The following ITGAE variants were observed in gnomAD, a reference collection of about 807,000 sequenced individuals.
ITGAE encodes the protein integrin alpha-E.
Under a neutral mutation model 136.5 loss-of-function variants are expected in ITGAE, and 99 were observed. That is an observed-to-expected ratio of 0.73 (90% confidence interval 0.62 to 0.86). The LOEUF (loss-of-function observed/expected upper bound fraction) is 0.86. ITGAE is among the 40% of genes least tolerant of loss of function. The probability of loss-of-function intolerance (pLI) is 0.00; values close to 1 mark genes in which losing one functional copy is unlikely to be tolerated. For missense variants in ITGAE, 1,447 were observed against 1,515.3 expected (o/e 0.95, Z 0.75); for synonymous variants, 613 against 591.8 (o/e 1.04, Z -0.52).
chr17:3,774,585 G>A (rs1479854427), intron 2 of ITGAE, among the ~76,000 whole-genome samples: 3 of 152,044 alleles, frequency 2.0e-5, no homozygotes, highest in Non-Finnish European at 2.9e-5. Context: ...CCAACGTGGC[G>A]AAACCCTGTT....
At chr17:3,789,604 G>A (rs940038292) in intron 1 of ITGAE, among the ~76,000 whole-genome samples, 5 of 151,832 alleles carry the variant, frequency 3.3e-5, no homozygotes, top group Admixed American at 6.6e-5. Flanking sequence ...AGGTTCAAGC[G>A]ATTCTCCTGC....
At chr17:3,723,981 T>C in intron 26 of ITGAE, 2 of 1,592,372 alleles carry the variant, frequency 1.3e-6, no homozygotes, top group Non-Finnish European at 1.7e-6. Context: ...TTTCCGCACA[T>C]ATGGGGCTGC....
At chr17:3,786,098 C>T (rs528656777) in intron 1 of ITGAE, among the ~76,000 whole-genome samples, 6 of 144,160 alleles carry the variant, frequency 4.2e-5, no homozygotes, top group Admixed American at 1.5e-4. Context: ...ACCCGGGAGG[C>T]GGAGCTTGCA....
chr17:3,785,499 GAA>G (rs1491026102), intron 1 of ITGAE, among the ~76,000 whole-genome samples: 6 of 50,730 alleles, frequency 1.2e-4, no homozygotes, highest in African/African-American at 7.0e-4. Flanking sequence ...AAGGAAGGAG[GAA>G]GGAAGGAAGG....
chr17:3,732,606 C>G, intron 21 of ITGAE, 140 bp from the exon 22 acceptor site: 2 of 684,242 alleles, frequency 2.9e-6, no homozygotes, highest in South Asian at 3.5e-5. Context: ...GAAATAAAGT[C>G]CACTTGGTCC....
rs549736929 is a variant in ITGAE at position 3,734,902 on chromosome 17, T to G, written c.2570A>C (p.Asn857Thr). The change falls in exon 21 of 31, where the codon AAC (asparagine) becomes ACC (threonine). Residue 857 changes from asparagine (N) to threonine (T), a missense_variant. Physicochemically the swap from Asn to Thr is moderately conservative, Grantham distance 65. Around this residue, in one of 3 missense-constraint regions of ITGAE, gnomAD observed 1,031 missense variants for 1,011.4 expected, o/e 1.02. Coordinates refer to ENST00000263087, the MANE Select transcript of ITGAE (RefSeq NM_002208.5). ...GLTKELTLNI[N>T]LTNSGEDSYM... The stretch of plus-strand genomic sequence containing the variant: ...GGAATCTTCCCCGGAGTTAGTTAGG[T>G]TAATGTTCAGGGTCAGCTCCTTTGT... The G allele has an allele frequency of 6.2e-7, 1 of 1,614,174 alleles. No homozygotes were observed. Among genetic ancestry groups the G allele is most frequent in the East Asian group, 2.2e-5 (1 of 44,886 alleles).
At chr17:3,755,402 G>A in intron 11 of ITGAE, 141 bp from the exon 12 acceptor site, 1 of 1,004,218 alleles carries the variant, frequency 1.0e-6, no homozygotes, top group South Asian at 1.7e-5. Context: ...CCTGGCCAGA[G>A]ATGCAGGCGG....
rs2053189632 is a variant in ITGAE at position 3,799,099 on chromosome 17, G to A, written c.34+2012C>T. Reference sequence around the variant, plus strand: ...CAGGGTACAGGGTGCTGGGCCTGGAGCCACAGTCTGAGGGAGTTCTTCCTC... The same window carrying A: ...CAGGGTACAGGGTGCTGGGCCTGGAACCACAGTCTGAGGGAGTTCTTCCTC... On this transcript the variant is annotated intron_variant, in intron 1 of 30. Transcript: ENST00000263087. The surrounding 1 kb of genome is among the most constrained non-coding windows in gnomAD (Gnocchi z 4.1). Among the ~76,000 whole-genome samples, 1 of 152,188 alleles carries A rather than the reference G, an allele frequency of 6.6e-6. No individual in the cohort carries two copies. Among genetic ancestry groups the A allele is most frequent in the South Asian group, 2.1e-4 (1 of 4,830 alleles).
At position 3,760,632 on chromosome 17, in the gene ITGAE, G is replaced by A. The variant is rs376676396; in HGVS notation, c.599-345C>T. On this transcript the variant is annotated intron_variant, in intron 6 of 30. Coordinates refer to ENST00000263087, the MANE Select transcript of ITGAE (RefSeq NM_002208.5). ...TTTTGAATTTTCTAGTAGAGTTGGGGTTTCACCATGTTGGCCAGGCTGGTC... is the reference window on the plus strand; with the variant it reads ...TTTTGAATTTTCTAGTAGAGTTGGGATTTCACCATGTTGGCCAGGCTGGTC... Among the ~76,000 whole-genome samples the A allele has an allele frequency of 2.4e-4, 36 of 151,708 alleles. No individual in the cohort carries two copies. The South Asian group carries it at 7.1e-3, about 30-fold the overall frequency.
intron 21 of ITGAE, among the ~76,000 whole-genome samples, chr17:3,733,192 C>T (rs1391772936): frequency 6.6e-6 from 1 of 152,056 alleles, no homozygotes; most frequent in Non-Finnish European, 1.5e-5. Context: ...ACCATGTTAG[C>T]CAGGCTGGTC....
rs556002458 is a variant in ITGAE at position 3,768,809 on chromosome 17, C to A, written c.156-4849G>T. ...ACGAGACAGTAGGCTCCCGAAGGATCTTGTCTATCTTCTTCACTGTGTTAT... is the reference window on the plus strand; with the variant it reads ...ACGAGACAGTAGGCTCCCGAAGGATATTGTCTATCTTCTTCACTGTGTTAT... On this transcript the variant is annotated intron_variant, in intron 2 of 30. Transcript: ENST00000263087. Among the ~76,000 whole-genome samples the A allele has an allele frequency of 2.0e-5, 3 of 152,294 alleles. No homozygotes were observed. The East Asian group carries it at 5.8e-4, about 29-fold the overall frequency.
intron 20 of ITGAE, among the ~76,000 whole-genome samples, chr17:3,738,062 GGGGAACT>G (rs1284378741): frequency 6.6e-6 from 1 of 152,222 alleles, no homozygotes; most frequent in Admixed American, 6.5e-5. Flanking sequence ...ACCAGGACTT[GGGGAACT>G]GCGTTCTTCC....
intron 14 of ITGAE, 67 bp from the exon 15 acceptor site, chr17:3,751,941 G>A (rs1031418627): frequency 1.9e-5 from 26 of 1,346,122 alleles, no homozygotes; most frequent in African/African-American, 1.9e-4. Context: ...TTGCCACCCC[G>A]ATGCACGCTC....
At chr17:3,734,731 C>A in intron 21 of ITGAE, 86 bp downstream of exon 21, 1 of 1,529,378 alleles carries the variant, frequency 6.5e-7, no homozygotes, top group Non-Finnish European at 9.0e-7. Flanking sequence ...GGCAGGGGTG[C>A]CAGTGAGGGG....
Position 3,763,953 on chromosome 17 carries a change from C to T in ITGAE, c.163G>A (p.Val55Ile). ...DPSTNQTWLL[V>I]TSPRTKRTPG... ...GTCCTCTTGGTTCTGGGGCTGGTGA[C>T]CAGGAGCCTGAGTGGGAGGGGAGGT... Residue 55 changes from valine (V) to isoleucine (I), a missense_variant, in exon 3 of 31, where the codon GTC (valine) becomes ATC (isoleucine). Val to Ile is a conservative substitution (Grantham distance 29). This residue lies in a region of ITGAE where 106 missense variants were observed against 87.8 expected (regional missense o/e 1.21). Coordinates refer to ENST00000263087, the MANE Select transcript of ITGAE (RefSeq NM_002208.5). The T allele has an allele frequency of 1.9e-6, 3 of 1,611,668 alleles. No homozygotes were observed. The highest frequency in any genetic ancestry group is 3.3e-4 in the Middle Eastern group (2 of 6,010).
Position 3,750,346 on chromosome 17 carries a change from C to T in ITGAE, c.2024+6G>A. On this transcript the variant is annotated splice_donor_region_variant and intron_variant, in intron 16 of 30. Coordinates refer to ENST00000263087, the MANE Select transcript of ITGAE (RefSeq NM_002208.5). Reference sequence around the variant, plus strand: ...TGGGACCCCAGAAAGCAGGACAGAACCCTACCGGAACACAACCGCCTGGCC... The same window carrying T: ...TGGGACCCCAGAAAGCAGGACAGAATCCTACCGGAACACAACCGCCTGGCC... The T allele has an allele frequency of 6.2e-7, 1 of 1,613,746 alleles. No homozygotes were observed. Among genetic ancestry groups the T allele is most frequent in the Non-Finnish European group, 8.5e-7 (1 of 1,179,856 alleles).
chr17:3,717,141 C>T (rs772361039), intron 29 of ITGAE: 9 of 228,328 alleles, frequency 3.9e-5, no homozygotes, highest in Non-Finnish European at 6.2e-5. Context: ...GCTGTCACGC[C>T]GCTACACTGC....
chr17:3,754,972 A>AGGTAGCCCCCAGGCCCCGCCCTCG (rs2051971538), intron 12 of ITGAE, 145 bp downstream of exon 12: 2 of 579,294 alleles, frequency 3.5e-6, no homozygotes, highest in Non-Finnish European at 4.2e-6. Context: ...CCCCGCCCTC[A>AGGTAGCCCCCAGGCCCCGCCCTCG]CCCAGGTAGC....
rs527806441 is a variant in ITGAE at position 3,734,165 on chromosome 17, G to T, written c.2655+652C>A. On this transcript the variant is annotated intron_variant, in intron 21 of 30. Transcript: ENST00000263087. Reference sequence around the variant, plus strand: ...GGCTCACTGCAAGCTCCGCCTCCCGGGTTCACGCCATTCTCCTGCCTCAGC... The same window carrying T: ...GGCTCACTGCAAGCTCCGCCTCCCGTGTTCACGCCATTCTCCTGCCTCAGC... 8.5e-5 allele frequency among the ~76,000 whole-genome samples: 13 copies of T among 152,304 alleles called. No homozygotes were observed. The East Asian group carries it at 2.5e-3, about 29-fold the overall frequency.
Sources: allele counts gnomAD v4.1 joint callset (sites outside exome capture counted in the v4.1 genomes callset), GRCh38; gene constraint gnomAD v4.1.1; regional missense constraint gnomAD v4.1.1; non-coding constraint Gnocchi (gnomAD v3.1); transcripts MANE v1.5; gene names NCBI Gene and HGNC (gene_info 2026-07-23, HGNC 2026-07-21).